GLO1: variants seen among roughly 807,000 people sequenced by gnomAD.
GLO1 encodes lactoylglutathione lyase.
GLO1 carries 28 observed loss-of-function variants against 26.0 expected under a neutral mutation model. The observed-to-expected ratio is 1.08, with a 90% CI of 0.80 to 1.48. GLO1 has a LOEUF of 1.48. Among genes scored for constraint, GLO1 ranks in the 40% most tolerant of loss-of-function variants. The pLI is 0.00. For synonymous variants in GLO1, 78 were observed against 77.6 expected (o/e 1.00, Z -0.03); for missense variants, 225 against 224.8 (o/e 1.00, Z -0.01).
chr6:38,678,136 A>T (rs1216200459), intron 5 of GLO1, among the ~76,000 whole-genome samples: 1 of 152,198 alleles, frequency 6.6e-6, no homozygotes, highest in African/African-American at 2.4e-5. Context: ...TCTCCCAGGA[A>T]TTCAAAACTG....
rs1761403487 is a variant in GLO1, at chr6:38,682,875, G to A, written c.309C>T (p.His103=). The change falls in exon 4 of 6, where the codon CAC becomes CAT. Residue 103 remains histidine, a splice_region_variant and synonymous_variant. Transcript: ENST00000373365. ...TCTCATCATCTTCAGTGCCCCAATT[G>A]CTACAAAAGGAAGGAAAACATAGCT... The part of the protein sequence containing the change: ...LSRKATLELT[H]NWGTEDDETQ... The A allele has an allele frequency of 6.4e-6, 10 of 1,558,720 alleles. No homozygotes were observed. The highest frequency in any genetic ancestry group is 8.9e-6 in the Non-Finnish European group (10 of 1,129,008).
chr6:38,696,759 T>TG (rs1409479403), intron 1 of GLO1, among the ~76,000 whole-genome samples: 1 of 152,188 alleles, frequency 6.6e-6, no homozygotes. Flanking sequence ...GTTCCACACT[T>TG]GCATTAGCCA....
chr6:38,690,541 T>TTATA (rs200983428), intron 1 of GLO1, among the ~76,000 whole-genome samples: 1 of 146,124 alleles, frequency 6.8e-6, no homozygotes, highest in Non-Finnish European at 1.6e-5. Context: ...TTTAAAAACA[T>TTATA]TATATATATA....
intron 1 of GLO1, among the ~76,000 whole-genome samples, chr6:38,694,375 C>G (rs1761578429): frequency 6.6e-6 from 1 of 152,076 alleles, no homozygotes; most frequent in South Asian, 2.1e-4. Flanking sequence ...CTAGTTCTAT[C>G]AATTGTTGAA....
chr6:38,695,055 A>G (rs920417099), intron 1 of GLO1, among the ~76,000 whole-genome samples: 5 of 152,186 alleles, frequency 3.3e-5, no homozygotes, highest in Non-Finnish European at 5.9e-5. Flanking sequence ...CATTCTATCA[A>G]TCATTGTCTC....
intron 1 of GLO1, among the ~76,000 whole-genome samples, chr6:38,688,745 C>T (rs1761491649): frequency 6.6e-6 from 1 of 152,210 alleles, no homozygotes; most frequent in Non-Finnish European, 1.5e-5. Flanking sequence ...GAGGTGCAAG[C>T]AAGGACTAAA....
At chr6:38,696,369 C>G (rs1179503151) in intron 1 of GLO1, among the ~76,000 whole-genome samples, 1 of 152,096 alleles carries the variant, frequency 6.6e-6, no homozygotes, top group Non-Finnish European at 1.5e-5. Flanking sequence ...TGCCTCTTAT[C>G]TTAGTCCATT....
rs1761272428 is a variant in GLO1 at position 38,677,526 on chromosome 6, C to T, written c.467-143G>A. The T allele has an allele frequency of 5.0e-6, 3 of 600,672 alleles. No homozygotes were observed. The East Asian group carries it at 8.4e-5, about 17-fold the overall frequency. 37.2% of individuals were successfully genotyped at this position (600,672 alleles called of 1,614,324 possible). Reference sequence around the variant, plus strand: ...TCATGGCCCAAGGCAGGCTTGACCTCCTGAGCTCAGCCTGCCAAGTAGCTG... The same window carrying T: ...TCATGGCCCAAGGCAGGCTTGACCTTCTGAGCTCAGCCTGCCAAGTAGCTG... On this transcript the variant is annotated intron_variant, in intron 5 of 5. Transcript: ENST00000373365.
intron 4 of GLO1, 36 bp downstream of exon 4, chr6:38,682,770 CAA>C: frequency 8.9e-7 from 1 of 1,123,308 alleles, no homozygotes; most frequent in Middle Eastern, 2.0e-4. Flanking sequence ...CAAAATCACA[CAA>C]ATCTACATAT....
intron 1 of GLO1, among the ~76,000 whole-genome samples, chr6:38,702,431 C>G (rs1761717140): frequency 6.6e-6 from 1 of 152,214 alleles, no homozygotes. Flanking sequence ...ATTCTGTAAT[C>G]TCTCCTGGGC....
intron 5 of GLO1, among the ~76,000 whole-genome samples, chr6:38,677,803 T>C (rs1387284073): frequency 6.6e-6 from 1 of 152,206 alleles, no homozygotes; most frequent in Non-Finnish European, 1.5e-5. Flanking sequence ...AAATTCTTAT[T>C]GTCAGAAAAG....
At chr6:38,692,202 G>A (rs1579028) in intron 1 of GLO1, among the ~76,000 whole-genome samples, 14,144 of 152,124 alleles carry the variant, frequency 0.093, 1,567 homozygotes, top group African/African-American at 0.25. Flanking sequence ...CATTTATTTA[G>A]ATCTATGACT....
chr6:38,677,384 C>A lies in GLO1; in HGVS notation c.467-1G>T. On this transcript the variant is annotated splice_acceptor_variant, in intron 5 of 5. Coordinates refer to ENST00000373365, the MANE Select transcript of GLO1 (RefSeq NM_006708.3). LOFTEE classifies it high-confidence loss of function. ...ATAAATGCCAGGCCTTTCATTTTAC[C>A]TGTAAAATGAAAATTTTCATTATTG... 23 of 1,366,762 alleles carry A rather than the reference C, an allele frequency of 1.7e-5. No individual in the cohort carries two copies. The highest frequency in any genetic ancestry group is 2.2e-5 in the Non-Finnish European group (21 of 961,274). 84.7% of individuals were successfully genotyped at this position (1,366,762 alleles called of 1,614,324 possible). A position where few individuals can be genotyped will look rare whatever the true frequency, so the allele number is the denominator to read the frequency against.
rs142388514 is a variant in GLO1 at position 38,684,999 on chromosome 6, C to T, written c.168-485G>A. On this transcript the variant is annotated intron_variant, in intron 2 of 5. Coordinates refer to ENST00000373365, the MANE Select transcript of GLO1 (RefSeq NM_006708.3). ...GTAAGAAAGAAGGAGGAAGGACAGA[C>T]TAGTATCACAGAAGACGTGAATGTC... 4.3e-3 allele frequency among the ~76,000 whole-genome samples: 660 copies of T among 152,236 alleles called. 4 individuals are homozygous for T. Among genetic ancestry groups the T allele is most frequent in the African/African-American group, 0.012 (515 of 41,528 alleles).
At chr6:38,700,332 G>A (rs1248580081) in intron 1 of GLO1, among the ~76,000 whole-genome samples, 1 of 152,154 alleles carries the variant, frequency 6.6e-6, no homozygotes, top group African/African-American at 2.4e-5. Flanking sequence ...TTTTTGATGT[G>A]TGCCCTGATC....
intron 1 of GLO1, among the ~76,000 whole-genome samples, chr6:38,695,739 A>G (rs1761601816): frequency 6.6e-6 from 1 of 152,080 alleles, no homozygotes; most frequent in Admixed American, 6.6e-5. Context: ...AGTTTTCTCT[A>G]TGGAGTTTAG....
rs1451037144 is a variant in GLO1 at position 38,676,786 on chromosome 6, T to C, written c.*509A>G. Reference sequence around the variant, plus strand: ...GAAGAAATCACTTTTTCTATCAGTATCCTTGTCAGCATGATTTGAATTGCT... The same window carrying C: ...GAAGAAATCACTTTTTCTATCAGTACCCTTGTCAGCATGATTTGAATTGCT... On this transcript the variant is annotated 3_prime_UTR_variant, in exon 6 of 6. Coordinates refer to ENST00000373365, the MANE Select transcript of GLO1 (RefSeq NM_006708.3). 6.6e-6 allele frequency: 1 copy of C among 152,384 alleles called. No homozygotes were observed. Among genetic ancestry groups the C allele is most frequent in the Non-Finnish European group, 1.5e-5 (1 of 68,210 alleles). 9.4% of individuals were successfully genotyped at this position (152,384 alleles called of 1,614,324 possible). A position where few individuals can be genotyped will look rare whatever the true frequency, so the allele number is the denominator to read the frequency against.
At chr6:38,693,683 C>A (rs113981172) in intron 1 of GLO1, among the ~76,000 whole-genome samples, 12,546 of 80,862 alleles carry the variant, frequency 0.16, 621 homozygotes, top group Non-Finnish European at 0.18. Flanking sequence ...CTCTCTCTCT[C>A]TCTATATATA....
At chr6:38,684,101 G>A (rs1761428775) in intron 3 of GLO1, among the ~76,000 whole-genome samples, 1 of 152,022 alleles carries the variant, frequency 6.6e-6, no homozygotes, top group Non-Finnish European at 1.5e-5. Context: ...GCACACATGT[G>A]TAGTCCAAGG....
Sources: gnomAD v4.1 joint callset for allele counts (sites outside exome capture counted in the v4.1 genomes callset) on GRCh38, gnomAD v4.1.1 for gene constraint, MANE v1.5 for transcripts, NCBI Gene and HGNC (gene_info 2026-07-23, HGNC 2026-07-21) for gene names.